Variants in FRMPD4 observed in about 807,000 individuals in gnomAD.
FRMPD4 encodes the protein FERM and PDZ domain-containing protein 4.
Under a neutral mutation model 94.1 loss-of-function variants are expected in FRMPD4, and 22 were observed. The observed-to-expected ratio is 0.23, with a 90% CI of 0.17 to 0.33. The LOEUF is 0.33. Ranked by LOEUF, FRMPD4 falls within the 10% of genes least tolerant of loss-of-function variation. The pLI, the probability that FRMPD4 is intolerant of heterozygous loss-of-function variation, is 1.00. For missense variants in FRMPD4, 1,111 were observed against 1,339.9 expected (o/e 0.83, Z 2.67); for synonymous variants, 631 against 548.6 (o/e 1.15, Z -2.10).
At position 12,692,237 on chromosome X, in the gene FRMPD4, TCTTTAA is replaced by T. The variant is rs1351913148; in HGVS notation, c.813+1917_813+1922del. Among the ~76,000 whole-genome samples, 831 of 112,328 alleles carry T rather than the reference TCTTTAA, an allele frequency of 7.4e-3. 6 individuals are homozygous for T. Among genetic ancestry groups the T allele is most frequent in the African/African-American group, 0.026 (791 of 30,919 alleles). On this transcript the variant is annotated intron_variant, in intron 8 of 16. Transcript: ENST00000675598. ...AAATAAACTTCTAATAATCATTCTT[TCTTTAA>T]CTTTATTTTTCCTTATAGAATCAGA... is the stretch of plus-strand genomic sequence containing the variant.
intron 1 of FRMPD4, among the ~76,000 whole-genome samples, chrX:12,238,459 A>G (rs977980228): frequency 8.9e-6 from 1 of 111,987 alleles, no homozygotes; most frequent in African/African-American, 3.2e-5. Context: ...CTTTAAAAAC[A>G]ATTTTGCTAT....
In FRMPD4 at chrX:12,532,537, G is replaced by A. The variant is rs145436713; in HGVS notation, c.158+33741G>A. On this transcript the variant is annotated intron_variant, in intron 2 of 16. Transcript: ENST00000675598. The stretch of plus-strand genomic sequence containing the variant: ...GTATCTGTGACTTGGTTACCGAGAC[G>A]CAACAAATAAATATTATATCACATT... Among the ~76,000 whole-genome samples, 13 of 111,874 alleles carry A rather than the reference G, an allele frequency of 1.2e-4. No homozygotes were observed. In the East Asian group the frequency reaches 1.7e-3, roughly 14 times the overall value.
chrX:11,892,029 G>A (rs1329816733), intron 3 of FRMPD4, among the ~76,000 whole-genome samples: 1 of 112,215 alleles, frequency 8.9e-6, no homozygotes, highest in East Asian at 2.8e-4. Flanking sequence ...AGTAGCTTAT[G>A]TGTAGAGAAA....
At chrX:12,656,085 A>G (rs2059652880) in intron 4 of FRMPD4, among the ~76,000 whole-genome samples, 1 of 112,471 alleles carries the variant, frequency 8.9e-6, no homozygotes, top group Admixed American at 9.4e-5. Flanking sequence ...AATGGCATTT[A>G]TCTCCACATC....
intron 2 of FRMPD4, among the ~76,000 whole-genome samples, chrX:12,553,234 G>A (rs890401047): frequency 2.8e-5 from 3 of 109,075 alleles, no homozygotes; most frequent in African/African-American, 1.0e-4. Flanking sequence ...AGAAACAAAA[G>A]TATACAAAAT....
intron 1 of FRMPD4, among the ~76,000 whole-genome samples, chrX:12,177,240 A>G (rs910893312): frequency 9.8e-5 from 11 of 112,486 alleles, no homozygotes; most frequent in African/African-American, 3.2e-4. Flanking sequence ...CCAAGAATGG[A>G]TGATCACTGA....
At chrX:12,008,931 T>C (rs2054567827) in intron 3 of FRMPD4, among the ~76,000 whole-genome samples, 1 of 112,415 alleles carries the variant, frequency 8.9e-6, no homozygotes, top group Non-Finnish European at 1.9e-5. Context: ...AAATGAATAT[T>C]TCATGATATG....
intron 3 of FRMPD4, among the ~76,000 whole-genome samples, chrX:12,613,550 C>T (rs910512235): frequency 3.6e-5 from 4 of 112,415 alleles, no homozygotes; most frequent in Non-Finnish European, 7.5e-5. Flanking sequence ...TTGGAAACAA[C>T]GGAAAGAGAA....
At chrX:11,884,573 TTATA>T (rs2053834573) in intron 3 of FRMPD4, among the ~76,000 whole-genome samples, 1 of 111,284 alleles carries the variant, frequency 9.0e-6, no homozygotes, top group Admixed American at 9.6e-5. Flanking sequence ...AGTTAGGTAT[TTATA>T]TATACACACA....
intron 4 of FRMPD4, among the ~76,000 whole-genome samples, chrX:12,616,395 T>C (rs902992498): frequency 8.9e-6 from 1 of 111,971 alleles, no homozygotes; most frequent in Admixed American, 9.5e-5. Context: ...TTTCAATTAT[T>C]CACAAATTAC....
At chrX:12,053,366 GAAA>G (rs1569149758) in intron 3 of FRMPD4, among the ~76,000 whole-genome samples, 1 of 34,230 alleles carries the variant, frequency 2.9e-5, no homozygotes, top group South Asian at 1.2e-3. Flanking sequence ...AAAGAAGAAA[GAAA>G]GAAAGAAAGA....
At chrX:12,546,649 C>G (rs4369163) in intron 2 of FRMPD4, among the ~76,000 whole-genome samples, 13 of 110,422 alleles carry the variant, frequency 1.2e-4, no homozygotes, top group Non-Finnish European at 2.3e-4. Context: ...ATAAGAGGTA[C>G]CTGGTTAATA....
Position 11,972,346 on chromosome X carries a change from C to T in FRMPD4, c.95+94328C>T, listed in dbSNP as rs189003515. Among the ~76,000 whole-genome samples the T allele has an allele frequency of 6.3e-5, 7 of 111,656 alleles. No individual in the cohort carries two copies. In the East Asian group the frequency reaches 1.4e-3, roughly 22 times the overall value. On this transcript the variant is annotated intron_variant, in intron 3 of 18. Coordinates refer to the FRMPD4 transcript ENST00000640291. Reference sequence around the variant, plus strand: ...GAAATATGAATGAAAGAATGATATGCAAGAGGAGTACATCCCTTCCATGCA... The same window carrying T: ...GAAATATGAATGAAAGAATGATATGTAAGAGGAGTACATCCCTTCCATGCA...
intron 3 of FRMPD4, among the ~76,000 whole-genome samples, chrX:11,916,431 A>G (rs908081806): frequency 6.3e-5 from 7 of 111,518 alleles, no homozygotes; most frequent in African/African-American, 2.3e-4. Context: ...GCAGTCAATC[A>G]GAAAGGGAAA....
chrX:11,941,738 C>T (rs1032079467), intron 3 of FRMPD4, among the ~76,000 whole-genome samples: 2 of 112,187 alleles, frequency 1.8e-5, no homozygotes, highest in African/African-American at 6.5e-5. Flanking sequence ...GCAAGGGAGA[C>T]TAAAGGCATG....
intron 1 of FRMPD4, among the ~76,000 whole-genome samples, chrX:12,403,997 T>C (rs1013928953): frequency 8.9e-6 from 1 of 111,936 alleles, no homozygotes; most frequent in African/African-American, 3.2e-5. Context: ...GCTTTCATTA[T>C]GAATATTTTC....
chrX:12,332,722 A>G (rs1202878495), intron 1 of FRMPD4, among the ~76,000 whole-genome samples: 3 of 111,578 alleles, frequency 2.7e-5, no homozygotes, highest in South Asian at 3.7e-4. Flanking sequence ...TTTTCTGGCA[A>G]TTTTGAAAAA....
chrX:11,880,173 T>C (rs746947045), intron 3 of FRMPD4, among the ~76,000 whole-genome samples: 16 of 111,951 alleles, frequency 1.4e-4, no homozygotes, highest in African/African-American at 5.2e-4. Context: ...TGATCTGGTA[T>C]GCACCCTAGA....
At chrX:12,535,339 T>G (rs1333750796) in intron 2 of FRMPD4, among the ~76,000 whole-genome samples, 1 of 111,472 alleles carries the variant, frequency 9.0e-6, no homozygotes, top group African/African-American at 3.3e-5. Flanking sequence ...AGCGTGAAAA[T>G]GGACTAATAT....
Sources: gnomAD v4.1 joint callset for allele counts (sites outside exome capture counted in the v4.1 genomes callset) on GRCh38, gnomAD v4.1.1 for gene constraint, MANE v1.5 for transcripts, NCBI Gene and HGNC (gene_info 2026-07-23, HGNC 2026-07-21) for gene names.